KDM6A: variants seen among roughly 807,000 people sequenced by gnomAD.
KDM6A encodes lysine-specific demethylase 6A.
In KDM6A, 11 loss-of-function variants were observed where a neutral mutation model predicts 117.6. The ratio of observed to expected loss-of-function variants is 0.09; its 90% CI spans 0.06 to 0.15. KDM6A has a LOEUF of 0.15. Among genes scored for constraint, KDM6A ranks in the 10% least tolerant of loss-of-function variants. KDM6A has a pLI of 1.00. For missense variants in KDM6A, 799 were observed against 1,077.3 expected (o/e 0.74, Z 3.62); for synonymous variants, 384 against 396.1 (o/e 0.97, Z 0.36).
chrX:44,880,172 C>CAA (rs59578181), intron 2 of KDM6A, among the ~76,000 whole-genome samples: 2,473 of 57,673 alleles, frequency 0.043, 162 homozygotes, highest in African/African-American at 0.13. Flanking sequence ...GACTTCATCT[C>CAA]AAAAAAAAAA....
At chrX:44,944,702 A>T (rs2037533442) in intron 2 of KDM6A, among the ~76,000 whole-genome samples, 1 of 108,676 alleles carries the variant, frequency 9.2e-6, no homozygotes, top group South Asian at 3.8e-4. Flanking sequence ...CGATAAAAAA[A>T]TTTTCTTCCA....
intron 7 of KDM6A, among the ~76,000 whole-genome samples, chrX:45,035,552 G>C (rs1318018939): frequency 1.8e-5 from 2 of 110,867 alleles, no homozygotes; most frequent in African/African-American, 6.5e-5. Flanking sequence ...TTCAAAAGCA[G>C]ATTGGGTTGA....
At chrX:45,027,918 C>T (rs537746221) in intron 6 of KDM6A, among the ~76,000 whole-genome samples, 26 of 110,077 alleles carry the variant, frequency 2.4e-4, no homozygotes, top group Admixed American at 1.3e-3. Context: ...CTCAGCCTCC[C>T]GAGTAGCTGG....
rs1171673666 is a variant in KDM6A, at chrX:45,010,970, T to C, written c.394T>C (p.Phe132Leu). The C allele has an allele frequency of 8.3e-7, 1 of 1,201,305 alleles. No homozygotes were observed. The highest frequency in any genetic ancestry group is 1.8e-5 in the South Asian group (1 of 56,422). Residue 132 changes from phenylalanine (F) to leucine (L), a missense_variant, in exon 5 of 30, where the codon TTT becomes CTT. Around this residue, in one of 8 missense-constraint regions of KDM6A, gnomAD observed 89 missense variants for 117.8 expected, o/e 0.76. Transcript: ENST00000611820. ...TTCCCTTCCTTTACAGAATGCTGCC[T>C]TTTTATATGGTCTTGGTTTGGTCTA... ...LQSDYWKNAA[F>L]LYGLGLVYFH...
At chrX:45,005,988 A>C (rs868643087) in intron 4 of KDM6A, among the ~76,000 whole-genome samples, 2,777 of 14,305 alleles carry the variant, frequency 0.19, 144 homozygotes, top group Middle Eastern at 0.35. Context: ...ACCCCCCACC[A>C]CCCACCACCC....
At chrX:44,964,311 C>T (rs935775653) in intron 3 of KDM6A, among the ~76,000 whole-genome samples, 14 of 107,032 alleles carry the variant, frequency 1.3e-4, no homozygotes, top group African/African-American at 4.8e-4. Flanking sequence ...TGGCTGGGTG[C>T]GGTGGTGTGT....
intron 6 of KDM6A, among the ~76,000 whole-genome samples, chrX:45,034,711 C>T (rs769210102): frequency 2.9e-4 from 33 of 111,923 alleles, no homozygotes; most frequent in Middle Eastern, 4.6e-3. Context: ...AATTCTTTTT[C>T]AAATTCTCCA....
In KDM6A at chrX:45,107,517, A is replaced by G; in HGVS notation, c.4142A>G (p.His1381Arg). 1 of 1,209,704 alleles carries G rather than the reference A, an allele frequency of 8.3e-7. No homozygotes were observed. Among genetic ancestry groups the G allele is most frequent in the Non-Finnish European group, 1.1e-6 (1 of 894,306 alleles). The change falls in exon 28 of 30, where the codon CAT (histidine) becomes CGT (arginine). Residue 1381 changes from histidine to arginine, a missense_variant. Transcript: ENST00000611820. The part of the protein sequence containing the change: ...WHGRTKEEPA[H>R]YCSICEVEVF... ...GGGCGGACAAAAGAAGAACCAGCTC[A>G]TTACTGTAGCATTTGTGAAGTAAGT...
chrX:45,069,732 G>T lies in KDM6A; in HGVS notation c.2233G>T (p.Gly745Trp), dbSNP rs1044524871. Residue 745 changes from glycine (G) to tryptophan (W), a missense_variant, in exon 18 of 30, where the codon GGG becomes TGG. Around this residue, in one of 8 missense-constraint regions of KDM6A, gnomAD observed 301 missense variants for 318.3 expected, o/e 0.95. Transcript: ENST00000611820. ...CCTGCCTAGCAATTCAGTAACACAG[G>T]GGGCTGCTCTCAATCACCTCTCCTC... ...PTLPSNSVTQGAALNHLSSHT... is the reference protein window; with the variant it reads ...PTLPSNSVTQWAALNHLSSHT... The T allele has an allele frequency of 8.3e-7, 1 of 1,207,495 alleles. No homozygotes were observed. Among genetic ancestry groups the T allele is most frequent in the African/African-American group, 1.8e-5 (1 of 56,579 alleles).
intron 4 of KDM6A, among the ~76,000 whole-genome samples, chrX:45,002,407 A>G: frequency 8.9e-6 from 1 of 112,313 alleles, no homozygotes; most frequent in Non-Finnish European, 1.9e-5. Flanking sequence ...TTTAATGTCC[A>G]GTTCACAGAA....
At chrX:44,922,000 G>T in intron 2 of KDM6A, among the ~76,000 whole-genome samples, 1 of 63,113 alleles carries the variant, frequency 1.6e-5, no homozygotes, top group Admixed American at 1.9e-4. Flanking sequence ...TCTGATAAGT[G>T]TATGCTGATA....
Position 45,108,508 on chromosome X carries a change from C to G in KDM6A, c.4161+972C>G, listed in dbSNP as rs1182790049. Reference sequence around the variant, plus strand: ...GCGATATATAAGCTATTGCAGTGGTCTTAAGAGTTATGGGACTGTAAACTA... The same window carrying G: ...GCGATATATAAGCTATTGCAGTGGTGTTAAGAGTTATGGGACTGTAAACTA... On this transcript the variant is annotated intron_variant, in intron 28 of 29. Transcript: ENST00000611820. Among the ~76,000 whole-genome samples, 5 of 111,181 alleles carry G rather than the reference C, an allele frequency of 4.5e-5. No individual in the cohort carries two copies. The Admixed American group carries it at 4.8e-4, about 11-fold the overall frequency.
rs924520918 is a variant in KDM6A, at chrX:45,110,233, A to G, written c.4316A>G (p.Tyr1439Cys). The G allele has an allele frequency of 5.0e-6, 6 of 1,207,973 alleles. No individual in the cohort carries two copies. Among genetic ancestry groups the G allele is most frequent in the East Asian group, 3.0e-5 (1 of 33,752 alleles). The change falls in exon 29 of 30, where the codon TAT becomes TGT. Residue 1439 changes from tyrosine (Y) to cysteine (C), a missense_variant. Physicochemically the swap from Tyr to Cys is radical, Grantham distance 194. Transcript: ENST00000611820. Reference sequence around the variant, plus strand: ...AAAATGGAGGACCTGATGCAAGTCTATGACCAATTTACATTAGTAAGTCAA... The same window carrying G: ...AAAATGGAGGACCTGATGCAAGTCTGTGACCAATTTACATTAGTAAGTCAA... ...QYKMEDLMQV[Y>C]DQFTLAPPLP...
intron 2 of KDM6A, among the ~76,000 whole-genome samples, chrX:44,882,633 G>T (rs1428768870): frequency 8.9e-6 from 1 of 112,263 alleles, no homozygotes; most frequent in African/African-American, 3.2e-5. Context: ...AATCATAGTT[G>T]CTTGAGTCTG....
At chrX:45,006,171 C>CT (rs1214957628) in intron 4 of KDM6A, among the ~76,000 whole-genome samples, 3 of 88,915 alleles carry the variant, frequency 3.4e-5, no homozygotes, top group Non-Finnish European at 4.5e-5. Context: ...GCGCCCCCCC[C>CT]CGCCGCCATG....
At chrX:44,978,360 T>A (rs187781467) in intron 4 of KDM6A, among the ~76,000 whole-genome samples, 2 of 112,462 alleles carry the variant, frequency 1.8e-5, no homozygotes, top group Admixed American at 1.9e-4. Context: ...TAAATATTCA[T>A]ATGCAGTTTT....
chrX:45,042,450 A>T (rs1425632969), intron 8 of KDM6A, among the ~76,000 whole-genome samples: 2 of 111,089 alleles, frequency 1.8e-5, no homozygotes, highest in Non-Finnish European at 1.9e-5. Context: ...TATAATATGG[A>T]TTTTCATTTT....
Position 45,010,696 on chromosome X carries a change from T to C in KDM6A, c.385-265T>C, listed in dbSNP as rs745327406. Among the ~76,000 whole-genome samples the C allele has an allele frequency of 6.2e-5, 7 of 112,057 alleles. No individual in the cohort carries two copies. The East Asian group carries it at 2.0e-3, about 31-fold the overall frequency. On this transcript the variant is annotated intron_variant, in intron 4 of 29. Coordinates refer to ENST00000611820, the MANE Select transcript of KDM6A (RefSeq NM_001291415.2). Reference sequence around the variant, plus strand: ...ATAACATAGGCTGAGCATTCTCTTATTCCTGAAGAATAGATTTTTAATTTT... The same window carrying C: ...ATAACATAGGCTGAGCATTCTCTTACTCCTGAAGAATAGATTTTTAATTTT...
Position 45,070,086 on chromosome X carries a change from A to C in KDM6A, c.2587A>C (p.Thr863Pro), listed in dbSNP as rs1460706436. The part of the protein sequence containing the change: ...NNIHPAVHTK[T>P]DNSVASSPSS... Reference sequence around the variant, plus strand: ...CATCCACCCAGCTGTTCATACAAAGACTGATAACTCTGTTGCCTCTTCACC... The same window carrying C: ...CATCCACCCAGCTGTTCATACAAAGCCTGATAACTCTGTTGCCTCTTCACC... Residue 863 changes from threonine to proline, a missense_variant, in exon 18 of 30, where the codon ACT becomes CCT. By Grantham distance (38) the Thr-to-Pro change is conservative. This residue lies in a region of KDM6A where 291 missense variants were observed against 437.9 expected (regional missense o/e 0.66). Coordinates refer to ENST00000611820, the MANE Select transcript of KDM6A (RefSeq NM_001291415.2). 1 of 1,210,188 alleles carries C rather than the reference A, an allele frequency of 8.3e-7. No individual in the cohort carries two copies. Among genetic ancestry groups the C allele is most frequent in the African/African-American group, 1.7e-5 (1 of 57,214 alleles).
Sources: gnomAD v4.1 joint callset for allele counts (sites outside exome capture counted in the v4.1 genomes callset) on GRCh38, gnomAD v4.1.1 for gene constraint, gnomAD v4.1.1 regional missense constraint, MANE v1.5 for transcripts, NCBI Gene and HGNC (gene_info 2026-07-23, HGNC 2026-07-21) for gene names.